Variants in CTNNA2 observed in about 807,000 individuals in gnomAD.
CTNNA2 encodes catenin alpha-2.
Under a neutral mutation model 101.0 loss-of-function variants are expected in CTNNA2, and 42 were observed. The ratio of observed to expected loss-of-function variants is 0.42; its 90% CI spans 0.32 to 0.54. The LOEUF (loss-of-function observed/expected upper bound fraction) is 0.54. Among genes scored for constraint, CTNNA2 ranks in the 20% least tolerant of loss-of-function variants. The pLI is 0.14. For missense variants in CTNNA2, 871 were observed against 1,223.1 expected (o/e 0.71, Z 4.29); for synonymous variants, 450 against 456.4 (o/e 0.99, Z 0.18).
At chr2:80,512,749 T>C (rs970046606) in intron 9 of CTNNA2, among the ~76,000 whole-genome samples, 2 of 152,136 alleles carry the variant, frequency 1.3e-5, no homozygotes, top group African/African-American at 4.8e-5. Flanking sequence ...TTTTTTAGTA[T>C]TTTTTTCATC....
intron 7 of CTNNA2, among the ~76,000 whole-genome samples, chr2:80,126,621 TCCCTCCCTC>T (rs1702135520): frequency 0.015 from 725 of 47,460 alleles, 27 homozygotes; most frequent in African/African-American, 0.061. Flanking sequence ...CCTCCCTCCC[TCCCTCCCTC>T]CCTCCCTTCC....
chr2:79,822,826 ACTC>A, intron 3 of CTNNA2, among the ~76,000 whole-genome samples: 1 of 151,634 alleles, frequency 6.6e-6, no homozygotes, highest in East Asian at 1.9e-4. Context: ...TAAAGACAAA[ACTC>A]CTGAGCATAG....
At chr2:79,856,495 G>T (rs1681144876) in intron 3 of CTNNA2, among the ~76,000 whole-genome samples, 1 of 152,122 alleles carries the variant, frequency 6.6e-6, no homozygotes, top group Non-Finnish European at 1.5e-5. Flanking sequence ...GTTTGATCTT[G>T]AGTTAAAAAA....
chr2:79,529,643 G>C (rs147162967), intron 1 of CTNNA2, among the ~76,000 whole-genome samples: 1 of 151,818 alleles, frequency 6.6e-6, no homozygotes, highest in Non-Finnish European at 1.5e-5. Flanking sequence ...GAGAGGAATC[G>C]TATGAGGGTA....
intron 7 of CTNNA2, among the ~76,000 whole-genome samples, chr2:80,374,686 T>TGC (rs1258836312): frequency 6.9e-5 from 9 of 129,886 alleles, no homozygotes; most frequent in East Asian, 6.0e-4. Flanking sequence ...TGCGTGCGTG[T>TGC]GTGTGTGTGT....
chr2:80,024,089 A>G (rs13423326), intron 7 of CTNNA2, among the ~76,000 whole-genome samples: 7,566 of 116,474 alleles, frequency 0.065, 486 homozygotes, highest in African/African-American at 0.17. Context: ...TCCGTCTCAG[A>G]AAAAAAAAAA....
intron 2 of CTNNA2, among the ~76,000 whole-genome samples, chr2:79,215,541 A>T (rs924396179): frequency 9.9e-5 from 15 of 152,158 alleles, no homozygotes; most frequent in African/African-American, 1.7e-4. Context: ...CAGATTGGGT[A>T]ATAAAACGTA....
intron 7 of CTNNA2, among the ~76,000 whole-genome samples, chr2:80,036,447 A>T (rs1695656784): frequency 6.6e-6 from 1 of 152,034 alleles, no homozygotes; most frequent in Admixed American, 6.6e-5. Context: ...GTAAATAAGT[A>T]AATAAAAATT....
rs575648738 is a variant in CTNNA2 at position 79,460,674 on chromosome 2, A to C, written c.-134-44380A>C. Among the ~76,000 whole-genome samples, 5 of 152,218 alleles carry C rather than the reference A, an allele frequency of 3.3e-5. No homozygotes were observed. The East Asian group carries it at 9.7e-4, about 29-fold the overall frequency. On this transcript the variant is annotated intron_variant, in intron 4 of 21. Coordinates refer to the CTNNA2 transcript ENST00000466387. ...CTTATGTCTGGGCTTGGCCAGCACA[A>C]CACCAGACTTTTAATGGAAAAGGAT...
intron 3 of CTNNA2, among the ~76,000 whole-genome samples, chr2:79,853,158 G>T (rs1157481044): frequency 6.6e-6 from 1 of 151,806 alleles, no homozygotes; most frequent in Non-Finnish European, 1.5e-5. Context: ...GTGAGCCACT[G>T]CACCTTGTTT....
At chr2:79,974,863 G>A (rs997303011) in intron 7 of CTNNA2, among the ~76,000 whole-genome samples, 20 of 152,118 alleles carry the variant, frequency 1.3e-4, no homozygotes, top group African/African-American at 4.6e-4. Flanking sequence ...GCGTAGGAGG[G>A]GTAAAGACTG....
At chr2:80,277,846 C>G (rs1297796093) in intron 7 of CTNNA2, among the ~76,000 whole-genome samples, 2 of 152,118 alleles carry the variant, frequency 1.3e-5, no homozygotes, top group Non-Finnish European at 2.9e-5. Flanking sequence ...CTCCTCAGAG[C>G]CCTGTTCTGC....
chr2:79,926,615 A>G (rs926833097), intron 7 of CTNNA2, among the ~76,000 whole-genome samples: 1 of 152,008 alleles, frequency 6.6e-6, no homozygotes, highest in Non-Finnish European at 1.5e-5. Flanking sequence ...GAACTTGAGG[A>G]TAAGGTTTTA....
At chr2:79,568,970 G>T (rs751076747) in intron 1 of CTNNA2, among the ~76,000 whole-genome samples, 1 of 151,584 alleles carries the variant, frequency 6.6e-6, no homozygotes, top group South Asian at 2.1e-4. Context: ...GGAAGTAAAG[G>T]TTGCAGTGAG....
At chr2:79,813,340 C>T (rs912293447) in intron 3 of CTNNA2, among the ~76,000 whole-genome samples, 1 of 152,086 alleles carries the variant, frequency 6.6e-6, no homozygotes, top group African/African-American at 2.4e-5. Flanking sequence ...TTGCATTATT[C>T]CCACAGAGAA....
At chr2:80,092,534 A>G (rs1699851698) in intron 7 of CTNNA2, among the ~76,000 whole-genome samples, 1 of 152,062 alleles carries the variant, frequency 6.6e-6, no homozygotes, top group Non-Finnish European at 1.5e-5. Flanking sequence ...AGGTGTGTTG[A>G]CAATTCCTGT....
intron 7 of CTNNA2, among the ~76,000 whole-genome samples, chr2:80,258,694 T>C (rs1451828942): frequency 6.6e-6 from 1 of 152,116 alleles, no homozygotes; most frequent in Non-Finnish European, 1.5e-5. Context: ...TAGGGAGCAT[T>C]TCACAGGCAT....
intron 7 of CTNNA2, among the ~76,000 whole-genome samples, chr2:80,124,484 A>T (rs1290495013): frequency 6.6e-6 from 1 of 152,288 alleles, no homozygotes; most frequent in East Asian, 1.9e-4. Flanking sequence ...CGGGGTTCGC[A>T]ACCAAATATA....
At chr2:79,503,898 A>T (rs1023256643) in intron 4 of CTNNA2, among the ~76,000 whole-genome samples, 1 of 152,176 alleles carries the variant, frequency 6.6e-6, no homozygotes, top group African/African-American at 2.4e-5. Context: ...TCAGTGATTG[A>T]TCCTGATTAC....
Sources: gnomAD v4.1 joint callset for allele counts (sites outside exome capture counted in the v4.1 genomes callset) on GRCh38, gnomAD v4.1.1 for gene constraint, MANE v1.5 for transcripts, NCBI Gene and HGNC (gene_info 2026-07-23, HGNC 2026-07-21) for gene names.